Variants in FRAS1 observed in about 807,000 individuals in gnomAD.
FRAS1 encodes the protein extracellular matrix organizing protein FRAS1.
A neutral mutation model predicts 435.2 loss-of-function variants in FRAS1; 290 were observed. The ratio of observed to expected loss-of-function variants is 0.67; its 90% CI spans 0.61 to 0.73. The LOEUF is 0.73. Among genes scored for constraint, FRAS1 ranks in the 30% least tolerant of loss-of-function variants. The pLI, the probability that FRAS1 is intolerant of heterozygous loss-of-function variation, is 0.00. For missense variants in FRAS1, 4,860 were observed against 5,001.5 expected (o/e 0.97, Z 0.85); for synonymous variants, 1,800 against 1,851.0 (o/e 0.97, Z 0.71).
intron 32 of FRAS1, among the ~76,000 whole-genome samples, chr4:78,418,334 C>G (rs1733631996): frequency 6.6e-6 from 1 of 152,128 alleles, no homozygotes; most frequent in African/African-American, 2.4e-5. Flanking sequence ...ACTTTTAGCC[C>G]TTTGTTACCA....
chr4:78,101,012 G>T (rs1742098956), intron 2 of FRAS1, among the ~76,000 whole-genome samples: 1 of 152,112 alleles, frequency 6.6e-6, no homozygotes, highest in Admixed American at 6.6e-5. Context: ...TTGTTTTGTG[G>T]GGTGGGATGG....
chr4:78,059,419 C>A (rs1739640153), intron 1 of FRAS1, among the ~76,000 whole-genome samples: 1 of 151,714 alleles, frequency 6.6e-6, no homozygotes. Flanking sequence ...GCGAAAGGCA[C>A]ATCTGGGGCC....
In FRAS1 at chr4:78,298,277, A is replaced by G. The variant is rs1490473486; in HGVS notation, c.1535-9789A>G. Reference sequence around the variant, plus strand: ...TATATAAGGTACATATTTAAGGTATACAATGTGATATTATAAGGTGTATAT... The same window carrying G: ...TATATAAGGTACATATTTAAGGTATGCAATGTGATATTATAAGGTGTATAT... On this transcript the variant is annotated intron_variant, in intron 14 of 73. Transcript: ENST00000512123. Among the ~76,000 whole-genome samples, 3 of 136,508 alleles carry G rather than the reference A, an allele frequency of 2.2e-5. No homozygotes were observed. In the Admixed American group the frequency reaches 2.3e-4, roughly 10 times the overall value. The allele number at this position is 136,508 out of a possible 152,430, so 89.6% of individuals were successfully genotyped here.
intron 26 of FRAS1, among the ~76,000 whole-genome samples, chr4:78,378,962 ACTC>A (rs1447577702): frequency 2.6e-5 from 4 of 152,004 alleles, no homozygotes; most frequent in Admixed American, 6.6e-5. Context: ...GTAAAAATGT[ACTC>A]CTATATTTTC....
At position 78,140,399 on chromosome 4, in the gene FRAS1, T is replaced by C. The variant is rs1336696159; in HGVS notation, c.108+74383T>C. ...TGCACTTTTATTTTAGATCTCTAGT[T>C]CAGATGCCCTGAATGTGAACTGGAT... On this transcript the variant is annotated intron_variant, in intron 2 of 73. Transcript: ENST00000512123. 3.9e-5 allele frequency among the ~76,000 whole-genome samples: 6 copies of C among 152,272 alleles called. No homozygotes were observed. In the East Asian group the frequency reaches 9.6e-4, roughly 24 times the overall value.
intron 20 of FRAS1, among the ~76,000 whole-genome samples, chr4:78,340,879 AC>A (rs1730372868): frequency 6.6e-6 from 1 of 152,160 alleles, no homozygotes; most frequent in Non-Finnish European, 1.5e-5. Context: ...TTGGATCAGG[AC>A]CCATCCTTTA....
At chr4:78,162,399 TA>T (rs1246257533) in intron 2 of FRAS1, among the ~76,000 whole-genome samples, 1 of 152,194 alleles carries the variant, frequency 6.6e-6, no homozygotes, top group Non-Finnish European at 1.5e-5. Flanking sequence ...AACGGTACCA[TA>T]AGAATTATTT....
intron 50 of FRAS1, among the ~76,000 whole-genome samples, chr4:78,469,138 C>T (rs1719628377): frequency 6.6e-6 from 1 of 152,198 alleles, no homozygotes. Context: ...GATATATCAG[C>T]AAGAGGGCTA....
intron 61 of FRAS1, among the ~76,000 whole-genome samples, chr4:78,505,266 T>C (rs1284406528): frequency 6.6e-6 from 1 of 152,234 alleles, no homozygotes; most frequent in East Asian, 1.9e-4. Flanking sequence ...AATTTGAATG[T>C]TGGCCTTGCT....
At chr4:78,324,695 T>A (rs2110246029) in intron 18 of FRAS1, among the ~76,000 whole-genome samples, 2 of 149,352 alleles carry the variant, frequency 1.3e-5, no homozygotes, top group South Asian at 4.2e-4. Context: ...TTCTTTTTAT[T>A]AAGCTCAGAT....
At chr4:78,492,330 T>C (rs1720375229) in intron 59 of FRAS1, among the ~76,000 whole-genome samples, 1 of 152,154 alleles carries the variant, frequency 6.6e-6, no homozygotes, top group Admixed American at 6.5e-5. Flanking sequence ...AAGAGCCATA[T>C]AGCCAAGACA....
At chr4:78,426,050 A>G (rs570795100) in intron 35 of FRAS1, among the ~76,000 whole-genome samples, 47 of 152,148 alleles carry the variant, frequency 3.1e-4, no homozygotes, top group Admixed American at 1.6e-3. Flanking sequence ...TCATTGTGCC[A>G]TTGCACTCTA....
intron 2 of FRAS1, among the ~76,000 whole-genome samples, chr4:78,155,562 C>G (rs149882881): frequency 6.1e-4 from 93 of 152,154 alleles, no homozygotes; most frequent in Non-Finnish European, 1.3e-3. Flanking sequence ...ACTGATAATA[C>G]ACAGTGAGTT....
chr4:78,278,534 C>T, intron 9 of FRAS1, 121 bp from the exon 10 acceptor site: 1 of 646,862 alleles, frequency 1.5e-6, no homozygotes, highest in Non-Finnish European at 2.8e-6. Flanking sequence ...GGCAGAGGGC[C>T]AGAGCCAACA....
Position 78,508,812 on chromosome 4 carries a change from C to T in FRAS1, c.9586C>T (p.Leu3196=), listed in dbSNP as rs200968366. 1.9e-6 allele frequency: 3 copies of T among 1,613,786 alleles called. No homozygotes were observed. Among genetic ancestry groups the T allele is most frequent in the Non-Finnish European group, 2.5e-6 (3 of 1,179,810 alleles). ...GAAATCCCCCTCCCCAGGCTACCCA[C>T]TGGTCTGTGTCACCCCCTGCGACCC... The part of the protein sequence containing the change: ...VKKSPSPGYP[L]VCVTPCDPHF... Residue 3196 remains leucine (L), a synonymous_variant, in exon 63 of 74, where the codon CTG becomes TTG. Coordinates refer to ENST00000512123, the MANE Select transcript of FRAS1 (RefSeq NM_025074.7).
intron 2 of FRAS1, among the ~76,000 whole-genome samples, chr4:78,077,278 G>A (rs1164563747): frequency 6.6e-6 from 1 of 152,084 alleles, no homozygotes; most frequent in Non-Finnish European, 1.5e-5. Context: ...GCTGAGGTGG[G>A]AGGATCGCTT....
chr4:78,324,559 A>G (rs188304643), intron 18 of FRAS1, among the ~76,000 whole-genome samples: 6 of 152,286 alleles, frequency 3.9e-5, no homozygotes, highest in East Asian at 3.9e-4. Flanking sequence ...AAGTTTGCAT[A>G]TATCTACTCC....
intron 14 of FRAS1, among the ~76,000 whole-genome samples, chr4:78,296,332 G>A (rs1728143682): frequency 6.6e-6 from 1 of 151,910 alleles, no homozygotes; most frequent in African/African-American, 2.4e-5. Context: ...TCCCATTTCA[G>A]GTGTAAAGCC....
chr4:78,494,892 A>G (rs1218135995), intron 59 of FRAS1, among the ~76,000 whole-genome samples: 1 of 152,222 alleles, frequency 6.6e-6, no homozygotes, highest in Non-Finnish European at 1.5e-5. Context: ...TTGATAAACT[A>G]CAGGACCTGC....
Sources: allele counts gnomAD v4.1 joint callset (sites outside exome capture counted in the v4.1 genomes callset), GRCh38; gene constraint gnomAD v4.1.1; transcripts MANE v1.5; gene names NCBI Gene and HGNC (gene_info 2026-07-23, HGNC 2026-07-21).